The following KCND2 variants were observed in gnomAD, a reference collection of about 807,000 sequenced individuals.
KCND2 encodes A-type voltage-gated potassium channel KCND2.
KCND2 carries 16 observed loss-of-function variants against 54.4 expected under a neutral mutation model. That is an observed-to-expected ratio of 0.29 (90% confidence interval 0.20 to 0.45). The LOEUF is 0.45. Among genes scored for constraint, KCND2 ranks in the 20% least tolerant of loss-of-function variants. The pLI, the probability that KCND2 is intolerant of heterozygous loss-of-function variation, is 1.00. For synonymous variants in KCND2, 317 were observed against 310.7 expected, an observed-to-expected ratio of 1.02 and a Z score of -0.21; for missense variants, 486 against 824.2, an observed-to-expected ratio of 0.59 and a Z score of 5.02.
intron 1 of KCND2, among the ~76,000 whole-genome samples, chr7:120,305,111 C>T (rs1420564287): frequency 6.6e-6 from 1 of 152,090 alleles, no homozygotes; most frequent in African/African-American, 2.4e-5. Context: ...ATTGTGTCTT[C>T]CTAGCTATAA....
chr7:120,406,586 C>G (rs1386604861), intron 1 of KCND2, among the ~76,000 whole-genome samples: 1 of 151,856 alleles, frequency 6.6e-6, no homozygotes, highest in Non-Finnish European at 1.5e-5. Flanking sequence ...ACAGCAATAG[C>G]TGATTAATAG....
At chr7:120,288,329 CTCTT>C (rs1799378972) in intron 1 of KCND2, among the ~76,000 whole-genome samples, 1 of 152,070 alleles carries the variant, frequency 6.6e-6, no homozygotes, top group African/African-American at 2.4e-5. Context: ...TCTCCTTTTA[CTCTT>C]TCTTTCTTTT....
intron 1 of KCND2, among the ~76,000 whole-genome samples, chr7:120,688,987 G>A (rs988534079): frequency 6.6e-6 from 1 of 152,098 alleles, no homozygotes; most frequent in African/African-American, 2.4e-5. Context: ...GGATTCAAAA[G>A]AAGACTCCAC....
At chr7:120,725,637 G>A (rs992530180) in intron 1 of KCND2, among the ~76,000 whole-genome samples, 1 of 152,098 alleles carries the variant, frequency 6.6e-6, no homozygotes, top group East Asian at 1.9e-4. Flanking sequence ...GCCCCCTAGC[G>A]GGTATTTGGT....
At chr7:120,448,097 G>A (rs2116211181) in intron 1 of KCND2, among the ~76,000 whole-genome samples, 1 of 152,234 alleles carries the variant, frequency 6.6e-6, no homozygotes, top group South Asian at 2.1e-4. Context: ...GGTTACATGT[G>A]TATACATGTG....
intron 1 of KCND2, among the ~76,000 whole-genome samples, chr7:120,282,333 A>T (rs1403663058): frequency 1.2e-4 from 19 of 152,144 alleles, no homozygotes. Flanking sequence ...AGAATTTTTT[A>T]AAATAGGGAA....
intron 1 of KCND2, among the ~76,000 whole-genome samples, chr7:120,564,639 A>C (rs1384801941): frequency 6.6e-6 from 1 of 152,168 alleles, no homozygotes; most frequent in Non-Finnish European, 1.5e-5. Flanking sequence ...TAAGGGAACA[A>C]ATCTGTGCTA....
At chr7:120,400,189 T>G (rs1801228213) in intron 1 of KCND2, among the ~76,000 whole-genome samples, 1 of 152,164 alleles carries the variant, frequency 6.6e-6, no homozygotes, top group South Asian at 2.1e-4. Flanking sequence ...TTTGACTTTT[T>G]AGGTTACACT....
chr7:120,495,770 C>T (rs1483260308), intron 1 of KCND2, among the ~76,000 whole-genome samples: 1 of 152,084 alleles, frequency 6.6e-6, no homozygotes, highest in Non-Finnish European at 1.5e-5. Flanking sequence ...TGCCCTGCCC[C>T]ACCTACCTTA....
At chr7:120,536,623 T>C (rs1791910603) in intron 1 of KCND2, among the ~76,000 whole-genome samples, 4 of 152,194 alleles carry the variant, frequency 2.6e-5, no homozygotes, top group Admixed American at 1.3e-4. Context: ...TCACCAGGAA[T>C]AGACTCCATC....
intron 1 of KCND2, among the ~76,000 whole-genome samples, chr7:120,570,085 C>A (rs1265830921): frequency 6.6e-6 from 1 of 152,130 alleles, no homozygotes; most frequent in African/African-American, 2.4e-5. Flanking sequence ...TTTTCCTCTT[C>A]TTAACATTGT....
At chr7:120,498,681 A>C (rs1802887525) in intron 1 of KCND2, among the ~76,000 whole-genome samples, 1 of 152,002 alleles carries the variant, frequency 6.6e-6, no homozygotes, top group Non-Finnish European at 1.5e-5. Context: ...AGGCTGAGGC[A>C]TGAGAATCGC....
At chr7:120,618,635 TC>T (rs1793059028) in intron 1 of KCND2, among the ~76,000 whole-genome samples, 1 of 152,196 alleles carries the variant, frequency 6.6e-6, no homozygotes, top group Non-Finnish European at 1.5e-5. Context: ...GTCTTCCTGC[TC>T]GTGTGTATTT....
Position 120,693,116 on chromosome 7 carries a change from A to T in KCND2, c.1116-39787A>T, listed in dbSNP as rs982352136. Among the ~76,000 whole-genome samples, 5 of 152,338 alleles carry T rather than the reference A, an allele frequency of 3.3e-5. No individual in the cohort carries two copies. The South Asian group carries it at 1.0e-3, about 32-fold the overall frequency. On this transcript the variant is annotated intron_variant, in intron 1 of 5. Transcript: ENST00000331113. The stretch of plus-strand genomic sequence containing the variant: ...TCAACTTCCTGATTCTAGGAATTTC[A>T]AAGTACAGGAGTACCAACATTCATG...
At chr7:120,413,767 G>C (rs1801484158) in intron 1 of KCND2, among the ~76,000 whole-genome samples, 2 of 151,836 alleles carry the variant, frequency 1.3e-5, no homozygotes, top group Admixed American at 1.3e-4. Flanking sequence ...CTTCCTAACT[G>C]CATATTTTAA....
intron 5 of KCND2, 23 bp downstream of exon 5, chr7:120,746,050 G>C: frequency 1.2e-6 from 2 of 1,610,328 alleles, no homozygotes; most frequent in Non-Finnish European, 1.7e-6. Context: ...AATCTGTGTT[G>C]TCTACACACC....
At chr7:120,731,250 G>C (rs182561962) in intron 1 of KCND2, among the ~76,000 whole-genome samples, 74 of 152,232 alleles carry the variant, frequency 4.9e-4, no homozygotes, top group South Asian at 1.0e-3. Context: ...GGGTGGATGA[G>C]GAGTGAAAAA....
chr7:120,320,949 T>C (rs1799886340), intron 1 of KCND2, among the ~76,000 whole-genome samples: 1 of 152,160 alleles, frequency 6.6e-6, no homozygotes, highest in Admixed American at 6.6e-5. Flanking sequence ...AGCTTATGAA[T>C]GAGTGAAGAA....
rs568417137 is a variant in KCND2 at position 120,650,919 on chromosome 7, G to A, written c.1116-81984G>A. Among the ~76,000 whole-genome samples the A allele has an allele frequency of 7.7e-5, 11 of 143,518 alleles. 3 individuals are homozygous for A. The highest frequency in any genetic ancestry group is 6.1e-5 in the Non-Finnish European group (4 of 66,066). 94.2% of individuals were successfully genotyped at this position (143,518 alleles called of 152,430 possible). A position where few individuals can be genotyped will look rare whatever the true frequency, so the allele number is the denominator to read the frequency against. On this transcript the variant is annotated intron_variant, in intron 1 of 5. Transcript: ENST00000331113. ...TGCCTGGGTATCAGCAGCAGAGGCTGCAGAACAGCAAATATTGCTGAACAG... is the reference window on the plus strand; with the variant it reads ...TGCCTGGGTATCAGCAGCAGAGGCTACAGAACAGCAAATATTGCTGAACAG...
Sources: allele counts gnomAD v4.1 joint callset (sites outside exome capture counted in the v4.1 genomes callset), GRCh38; gene constraint gnomAD v4.1.1; transcripts MANE v1.5; gene names NCBI Gene and HGNC (gene_info 2026-07-23, HGNC 2026-07-21).